The following GPATCH2 variants were observed in gnomAD, a reference collection of about 807,000 sequenced individuals.
GPATCH2 encodes G-patch domain containing 2, also known as G patch domain-containing protein 2.
Under a neutral mutation model 58.0 loss-of-function variants are expected in GPATCH2, and 51 were observed. The ratio of observed to expected loss-of-function variants is 0.88; its 90% CI spans 0.70 to 1.11. GPATCH2 has a LOEUF of 1.11. GPATCH2 is among the 50% of genes most tolerant of loss of function. The pLI is 0.00. For synonymous variants in GPATCH2, 222 were observed against 218.5 expected (o/e 1.02, Z -0.14); for missense variants, 625 against 652.2 (o/e 0.96, Z 0.45).
intron 9 of GPATCH2, among the ~76,000 whole-genome samples, chr1:217,444,295 C>T (rs141073844): frequency 1.3e-5 from 2 of 152,174 alleles, no homozygotes; most frequent in Non-Finnish European, 2.9e-5. Flanking sequence ...CCAGGCTTGA[C>T]TCCCTGTCCA....
intron 5 of GPATCH2, among the ~76,000 whole-genome samples, chr1:217,570,297 G>C (rs1354822905): frequency 2.0e-5 from 3 of 152,064 alleles, no homozygotes; most frequent in South Asian, 4.1e-4. Context: ...ATTTTTAGTA[G>C]AGATGGGGTT....
intron 8 of GPATCH2, among the ~76,000 whole-genome samples, chr1:217,472,959 A>G (rs908670591): frequency 6.6e-6 from 1 of 152,048 alleles, no homozygotes; most frequent in Non-Finnish European, 1.5e-5. Flanking sequence ...TTCTTTCACC[A>G]CTAAGGTATA....
chr1:217,591,278 T>C (rs540176608), intron 5 of GPATCH2, among the ~76,000 whole-genome samples: 10 of 152,168 alleles, frequency 6.6e-5, no homozygotes, highest in Non-Finnish European at 1.3e-4. Context: ...CATATATATA[T>C]GAATTTTGAC....
At chr1:217,478,551 G>T (rs1030526213) in intron 8 of GPATCH2, among the ~76,000 whole-genome samples, 1 of 152,030 alleles carries the variant, frequency 6.6e-6, no homozygotes, top group Non-Finnish European at 1.5e-5. Context: ...AAAAATTAGT[G>T]GGTTGAAGAC....
chr1:217,615,257 G>A (rs1038696102), intron 2 of GPATCH2, among the ~76,000 whole-genome samples: 1 of 151,682 alleles, frequency 6.6e-6, no homozygotes, highest in African/African-American at 2.4e-5. Context: ...GTTTCTGTTC[G>A]ATTTCTTAAA....
intron 5 of GPATCH2, among the ~76,000 whole-genome samples, chr1:217,598,634 T>A (rs982878968): frequency 2.6e-5 from 4 of 151,676 alleles, no homozygotes; most frequent in Non-Finnish European, 5.9e-5. Flanking sequence ...CCCGGCTAAT[T>A]TTTTGTATTT....
At chr1:217,579,487 T>A (rs78544549) in intron 5 of GPATCH2, among the ~76,000 whole-genome samples, 5,013 of 152,176 alleles carry the variant, frequency 0.033, 113 homozygotes, top group Middle Eastern at 0.1. Context: ...AATCAATACA[T>A]TCAGAATGAA....
At chr1:217,537,146 A>G (rs1018212666) in intron 5 of GPATCH2, among the ~76,000 whole-genome samples, 1 of 152,192 alleles carries the variant, frequency 6.6e-6, no homozygotes, top group Non-Finnish European at 1.5e-5. Context: ...GATCATTTTC[A>G]TACAGATTAG....
intron 5 of GPATCH2, among the ~76,000 whole-genome samples, chr1:217,516,089 T>C (rs934206475): frequency 6.6e-6 from 1 of 152,056 alleles, no homozygotes; most frequent in Admixed American, 6.5e-5. Context: ...CTCCTTTTTT[T>C]TTTTTAGAAT....
Position 217,528,840 on chromosome 1 carries a change from G to A in GPATCH2, c.1099-13951C>T, listed in dbSNP as rs183485192. 2.6e-5 allele frequency among the ~76,000 whole-genome samples: 4 copies of A among 152,330 alleles called. No individual in the cohort carries two copies. In the East Asian group the frequency reaches 7.7e-4, roughly 29 times the overall value. On this transcript the variant is annotated intron_variant, in intron 5 of 9. Coordinates refer to ENST00000366935, the MANE Select transcript of GPATCH2 (RefSeq NM_018040.5). ...CCTGTACCCTCTTGAGGGGACCAGG[G>A]TGAGGACTGTCTTGGGATTCAAGAA...
At chr1:217,559,096 A>G (rs1665793988) in intron 5 of GPATCH2, among the ~76,000 whole-genome samples, 1 of 152,194 alleles carries the variant, frequency 6.6e-6, no homozygotes, top group African/African-American at 2.4e-5. Flanking sequence ...TAAACAATTA[A>G]TTAAAAATGG....
chr1:217,586,901 C>T (rs924615329), intron 5 of GPATCH2, among the ~76,000 whole-genome samples: 2 of 151,988 alleles, frequency 1.3e-5, no homozygotes, highest in Non-Finnish European at 2.9e-5. Flanking sequence ...AGCACATGGC[C>T]GCATACACTG....
chr1:217,527,560 A>G (rs1016082425), intron 5 of GPATCH2, among the ~76,000 whole-genome samples: 27 of 152,134 alleles, frequency 1.8e-4, no homozygotes, highest in African/African-American at 6.5e-4. Flanking sequence ...TGGATAACCA[A>G]GCCACTACGT....
At chr1:217,452,101 G>A (rs967968885) in intron 8 of GPATCH2, among the ~76,000 whole-genome samples, 6 of 152,174 alleles carry the variant, frequency 3.9e-5, no homozygotes, top group African/African-American at 1.4e-4. Flanking sequence ...ACTTAACAGC[G>A]ATGTGGAGTC....
Position 217,491,145 on chromosome 1 carries a change from A to C in GPATCH2, c.1277+535T>G, listed in dbSNP as rs374734226. Among the ~76,000 whole-genome samples the C allele has an allele frequency of 8.5e-5, 13 of 152,358 alleles. No individual in the cohort carries two copies. In the South Asian group the frequency reaches 2.5e-3, roughly 29 times the overall value. ...AGCCATTTTCATCTAAACAAAAATT[A>C]AGTCTTCAGAAACACCATTTGCACA... On this transcript the variant is annotated intron_variant, in intron 8 of 9. Transcript: ENST00000366935.
chr1:217,452,569 C>G (rs1659718625), intron 8 of GPATCH2, among the ~76,000 whole-genome samples: 1 of 152,076 alleles, frequency 6.6e-6, no homozygotes, highest in Non-Finnish European at 1.5e-5. Flanking sequence ...TCAATATTGC[C>G]TTTATAACTA....
At chr1:217,456,954 T>C (rs1213251601) in intron 8 of GPATCH2, among the ~76,000 whole-genome samples, 1 of 152,170 alleles carries the variant, frequency 6.6e-6, no homozygotes, top group Non-Finnish European at 1.5e-5. Context: ...ATGATAATGA[T>C]TTGTGTGTGA....
chr1:217,553,178 G>A (rs1010310894), intron 5 of GPATCH2, among the ~76,000 whole-genome samples: 4 of 151,938 alleles, frequency 2.6e-5, no homozygotes, highest in Middle Eastern at 3.4e-3. Flanking sequence ...AAAACTAAGG[G>A]GTTGCTTAGT....
intron 5 of GPATCH2, chr1:217,609,817 G>T: frequency 1.0e-6 from 1 of 992,180 alleles, no homozygotes; most frequent in Non-Finnish European, 1.2e-6. Flanking sequence ...TGTCGATCTG[G>T]AAGTTTAAAA....
Sources: gnomAD v4.1 joint callset for allele counts (sites outside exome capture counted in the v4.1 genomes callset) on GRCh38, gnomAD v4.1.1 for gene constraint, MANE v1.5 for transcripts, NCBI Gene and HGNC (gene_info 2026-07-23, HGNC 2026-07-21) for gene names.